MACROD2: variants seen among roughly 807,000 people sequenced by gnomAD.
The protein encoded by MACROD2 is ADP-ribose glycohydrolase MACROD2.
Under a neutral mutation model 70.4 loss-of-function variants are expected in MACROD2, and 36 were observed. That is an observed-to-expected ratio of 0.51 (90% confidence interval 0.39 to 0.68). MACROD2 has a LOEUF of 0.68. Ranked by LOEUF, MACROD2 falls within the 30% of genes least tolerant of loss-of-function variation. MACROD2 has a pLI of 0.00. For synonymous variants in MACROD2, 172 were observed against 178.8 expected (o/e 0.96, Z 0.30); for missense variants, 496 against 538.4 (o/e 0.92, Z 0.78).
rs141196083 is a variant in MACROD2, at chr20:15,507,529, T to C, written c.645+7682T>C. On this transcript the variant is annotated intron_variant, in intron 8 of 17. Transcript: ENST00000684519. Reference sequence around the variant, plus strand: ...TTCTCTTTTCTTTTTCTTTCTTTCTTTTCTTCCCCCCACCAGCCCGCCCCA... The same window carrying C: ...TTCTCTTTTCTTTTTCTTTCTTTCTCTTCTTCCCCCCACCAGCCCGCCCCA... Among the ~76,000 whole-genome samples the C allele has an allele frequency of 1.0e-3, 152 of 152,032 alleles. 1 individual carries two copies. The highest frequency in any genetic ancestry group is 8.3e-3 in the Admixed American group (126 of 15,242).
At chr20:15,089,257 T>A (rs537670026) in intron 5 of MACROD2, among the ~76,000 whole-genome samples, 1 of 152,204 alleles carries the variant, frequency 6.6e-6, no homozygotes, top group African/African-American at 2.4e-5. Flanking sequence ...TTATCTCTTA[T>A]AGCTCCTATA....
At position 15,770,643 on chromosome 20, in the gene MACROD2, C is replaced by T. The variant is rs192731217; in HGVS notation, c.646-92102C>T. On this transcript the variant is annotated intron_variant, in intron 8 of 17. Transcript: ENST00000684519. ...ACAATAATGCTGCATAACAGACCAT[C>T]CTGAAACTCAGTGGCTTACAATAAG... 1.6e-3 allele frequency among the ~76,000 whole-genome samples: 241 copies of T among 152,208 alleles called. 1 individual carries two copies. Among genetic ancestry groups the T allele is most frequent in the African/African-American group, 5.2e-3 (217 of 41,556 alleles).
At chr20:14,880,871 A>G (rs2073603341) in intron 5 of MACROD2, among the ~76,000 whole-genome samples, 2 of 152,210 alleles carry the variant, frequency 1.3e-5, no homozygotes, top group Admixed American at 1.3e-4. Flanking sequence ...TTGCTGGGCC[A>G]GAGTGGCCTC....
chr20:14,958,966 CA>C, intron 5 of MACROD2, among the ~76,000 whole-genome samples: 1 of 152,228 alleles, frequency 6.6e-6, no homozygotes, highest in East Asian at 1.9e-4. Context: ...CAAGCCCCAC[CA>C]AACTGAGACT....
rs386393390 is a variant in MACROD2, at chr20:15,050,533, C to CTTTTTTTTTTTTTT, written c.419-179394_419-179381dup. On this transcript the variant is annotated intron_variant, in intron 5 of 17. Transcript: ENST00000684519. ...GTCTTTTTACACTTTCTATTTAGGT[C>CTTTTTTTTTTTTTT]TTTTTTTTTTTTTTTTTTTTTTTTT... Among the ~76,000 whole-genome samples the CTTTTTTTTTTTTTT allele has an allele frequency of 3.2e-4, 25 of 77,900 alleles. 5 individuals carry two copies. The highest frequency in any genetic ancestry group is 1.5e-3 in the African/African-American group (24 of 16,048). 51.1% of individuals were successfully genotyped at this position (77,900 alleles called of 152,430 possible). A position where few individuals can be genotyped will look rare whatever the true frequency, so the allele number is the denominator to read the frequency against.
At chr20:14,230,631 T>TTATATATATA (rs71190119) in intron 3 of MACROD2, among the ~76,000 whole-genome samples, 2 of 94,262 alleles carry the variant, frequency 2.1e-5, no homozygotes, top group African/African-American at 1.1e-4. Flanking sequence ...TCATTCATGT[T>TTATATATATA]TATATATATA....
chr20:15,313,769 T>A (rs192832841), intron 6 of MACROD2, among the ~76,000 whole-genome samples: 2 of 152,346 alleles, frequency 1.3e-5, no homozygotes, highest in East Asian at 3.9e-4. Flanking sequence ...AATGTCTATG[T>A]GTATGTTGGA....
At chr20:15,646,619 A>C (rs1160185839) in intron 8 of MACROD2, among the ~76,000 whole-genome samples, 2 of 152,136 alleles carry the variant, frequency 1.3e-5, no homozygotes, top group African/African-American at 2.4e-5. Flanking sequence ...GCACGTATCG[A>C]GGGAGAGACC....
intron 4 of MACROD2, among the ~76,000 whole-genome samples, chr20:14,679,146 G>A (rs1216761170): frequency 3.3e-5 from 5 of 152,200 alleles, no homozygotes; most frequent in African/African-American, 1.2e-4. Context: ...CTGTGTTTAT[G>A]TAATAGCTAT....
chr20:15,835,944 T>C (rs2064109405), intron 8 of MACROD2, among the ~76,000 whole-genome samples: 1 of 152,184 alleles, frequency 6.6e-6, no homozygotes, highest in South Asian at 2.1e-4. Flanking sequence ...AATGCCAGTT[T>C]ATCTCCCTTC....
intron 5 of MACROD2, among the ~76,000 whole-genome samples, chr20:14,879,123 A>C (rs1369920398): frequency 1.3e-5 from 2 of 152,116 alleles, no homozygotes; most frequent in Non-Finnish European, 2.9e-5. Context: ...CTTCACCCTT[A>C]TGCATTGCGT....
intron 7 of MACROD2, among the ~76,000 whole-genome samples, chr20:15,498,128 T>A (rs1177843653): frequency 6.6e-6 from 1 of 152,214 alleles, no homozygotes; most frequent in East Asian, 1.9e-4. Context: ...ACAGTCATTG[T>A]CTCTAAGAAA....
At chr20:15,851,766 C>G (rs918630607) in intron 8 of MACROD2, among the ~76,000 whole-genome samples, 1 of 152,104 alleles carries the variant, frequency 6.6e-6, no homozygotes, top group African/African-American at 2.4e-5. Flanking sequence ...TGGATGCAGG[C>G]TGACTTCAGG....
At chr20:14,063,372 C>G (rs2053713098) in intron 2 of MACROD2, among the ~76,000 whole-genome samples, 1 of 152,212 alleles carries the variant, frequency 6.6e-6, no homozygotes, top group Admixed American at 6.5e-5. Flanking sequence ...TCTTATTTCT[C>G]TACCACCTCG....
chr20:14,042,365 T>A (rs936695271), intron 2 of MACROD2, among the ~76,000 whole-genome samples: 3 of 152,074 alleles, frequency 2.0e-5, no homozygotes, highest in Admixed American at 2.0e-4. Context: ...AAAAACACAC[T>A]CAAAGTGCTT....
intron 8 of MACROD2, among the ~76,000 whole-genome samples, chr20:15,809,616 G>A (rs2063799359): frequency 6.6e-6 from 1 of 152,234 alleles, no homozygotes; most frequent in East Asian, 1.9e-4. Context: ...TGAGAACCCA[G>A]TTGTTACAAT....
chr20:15,472,592 C>T (rs552772890), intron 7 of MACROD2, among the ~76,000 whole-genome samples: 1 of 152,208 alleles, frequency 6.6e-6, no homozygotes, highest in African/African-American at 2.4e-5. Flanking sequence ...TTTCTTTCAC[C>T]TTGTTCCCAC....
At chr20:14,843,830 G>GAGTAATGTA (rs2073111462) in intron 5 of MACROD2, among the ~76,000 whole-genome samples, 1 of 151,998 alleles carries the variant, frequency 6.6e-6, no homozygotes, top group African/African-American at 2.4e-5. Flanking sequence ...CTCTTTGTTT[G>GAGTAATGTA]TACAAGTTCT....
chr20:15,619,272 T>A (rs892070569), intron 8 of MACROD2, among the ~76,000 whole-genome samples: 4 of 152,232 alleles, frequency 2.6e-5, no homozygotes, highest in African/African-American at 9.6e-5. Flanking sequence ...TGCTATCGTC[T>A]TTGTTTTAAA....
Sources: gnomAD v4.1 joint callset for allele counts (sites outside exome capture counted in the v4.1 genomes callset) on GRCh38, gnomAD v4.1.1 for gene constraint, MANE v1.5 for transcripts, NCBI Gene and HGNC (gene_info 2026-07-23, HGNC 2026-07-21) for gene names.